Variants in KITLG observed in about 807,000 individuals in gnomAD.
KITLG encodes KIT ligand.
In KITLG, 13 loss-of-function variants were observed where a neutral mutation model predicts 34.1. The ratio of observed to expected loss-of-function variants is 0.38; its 90% CI spans 0.25 to 0.61. KITLG has a LOEUF of 0.61. KITLG is among the 20% of genes least tolerant of loss of function. KITLG has a pLI of 0.60. For missense variants in KITLG, 292 were observed against 318.9 expected (o/e 0.92, Z 0.64); for synonymous variants, 110 against 104.0 (o/e 1.06, Z -0.35).
At chr12:88,497,754 G>A (rs921343678) in intron 9 of KITLG, among the ~76,000 whole-genome samples, 2 of 152,162 alleles carry the variant, frequency 1.3e-5, no homozygotes, top group Non-Finnish European at 2.9e-5. Context: ...TAAGACAGGT[G>A]GAGAAGCTGG....
At chr12:88,501,856 T>A (rs1193567189) in intron 9 of KITLG, among the ~76,000 whole-genome samples, 2 of 152,168 alleles carry the variant, frequency 1.3e-5, no homozygotes, top group Non-Finnish European at 2.9e-5. Flanking sequence ...CAAATAGTTA[T>A]TCATCATTTA....
At chr12:88,513,403 G>A (rs1004178664) in intron 6 of KITLG, among the ~76,000 whole-genome samples, 19 of 151,640 alleles carry the variant, frequency 1.3e-4, no homozygotes, top group Admixed American at 3.3e-4. Context: ...AACAAGTAAG[G>A]AAATGGTGGA....
intron 3 of KITLG, among the ~76,000 whole-genome samples, chr12:88,525,706 T>C (rs11104921): frequency 0.084 from 12,816 of 152,218 alleles, 569 homozygotes; most frequent in Non-Finnish European, 0.1. Context: ...CCAAGATGAA[T>C]AGCTTCTGGA....
chr12:88,580,023 T>G, intron 1 of KITLG: 1 of 595,848 alleles, frequency 1.7e-6, no homozygotes, highest in South Asian at 2.0e-5. Flanking sequence ...AAAACTTAAC[T>G]GCTGAGGCTC....
At chr12:88,572,154 A>G (rs1379601293) in intron 1 of KITLG, among the ~76,000 whole-genome samples, 1 of 152,198 alleles carries the variant, frequency 6.6e-6, no homozygotes. Context: ...AAGTTGAATC[A>G]TTATGTGTGA....
At chr12:88,497,677 G>A (rs977754247) in intron 9 of KITLG, among the ~76,000 whole-genome samples, 29 of 152,170 alleles carry the variant, frequency 1.9e-4, no homozygotes, top group South Asian at 1.2e-3. Context: ...AAGGATTGAC[G>A]AACAAAGTGT....
At chr12:88,557,817 C>T (rs1592583380) in intron 1 of KITLG, among the ~76,000 whole-genome samples, 1 of 152,134 alleles carries the variant, frequency 6.6e-6, no homozygotes, top group Non-Finnish European at 1.5e-5. Flanking sequence ...GCACCGTTTA[C>T]TCTTATGCCA....
At chr12:88,505,544 C>T (rs1411527915) in intron 8 of KITLG, among the ~76,000 whole-genome samples, 1 of 152,014 alleles carries the variant, frequency 6.6e-6, no homozygotes, top group African/African-American at 2.4e-5. Context: ...AGGCAACACA[C>T]CAAATGAAAA....
intron 1 of KITLG, among the ~76,000 whole-genome samples, chr12:88,551,652 T>C (rs1054271991): frequency 3.9e-5 from 6 of 152,230 alleles, no homozygotes; most frequent in Non-Finnish European, 4.4e-5. Flanking sequence ...ACTTGCAACA[T>C]ATTGTTACTG....
chr12:88,500,197 T>C (rs1022884798), intron 9 of KITLG, among the ~76,000 whole-genome samples: 2 of 152,232 alleles, frequency 1.3e-5, no homozygotes, highest in African/African-American at 4.8e-5. Context: ...CGCCATGTGC[T>C]CAGTACAGAT....
intron 1 of KITLG, among the ~76,000 whole-genome samples, chr12:88,577,502 A>T (rs1871866224): frequency 6.6e-6 from 1 of 152,188 alleles, no homozygotes; most frequent in Non-Finnish European, 1.5e-5. Flanking sequence ...TGGTGCCTTG[A>T]TTGTTATCCA....
chr12:88,518,939 C>G, intron 3 of KITLG, 72 bp from the exon 4 acceptor site: 3 of 1,348,844 alleles, frequency 2.2e-6, no homozygotes, highest in Non-Finnish European at 3.1e-6. Flanking sequence ...GAGTACTCTT[C>G]AAAGCTATCG....
chr12:88,580,437 C>T lies in KITLG; in HGVS notation c.-159G>A. On this transcript the variant is annotated 5_prime_UTR_variant, in exon 1 of 10. Transcript: ENST00000644744. ...TCTCCACTGTCCCTGCTTCCCGCAG[C>T]GCTTCTAGTCTCGGCGCGAGGCGGC... 1 of 871,760 alleles carries T rather than the reference C, an allele frequency of 1.1e-6. No individual in the cohort carries two copies. Among genetic ancestry groups the T allele is most frequent in the Non-Finnish European group, 1.8e-6 (1 of 550,776 alleles). 54.0% of individuals were successfully genotyped at this position (871,760 alleles called of 1,614,324 possible). A position where few individuals can be genotyped will look rare whatever the true frequency, so the allele number is the denominator to read the frequency against.
intron 2 of KITLG, among the ~76,000 whole-genome samples, chr12:88,538,765 CA>C (rs1055550530): frequency 6.6e-6 from 1 of 150,590 alleles, no homozygotes; most frequent in African/African-American, 2.4e-5. Flanking sequence ...AAATTCATGG[CA>C]AAAAAAAATT....
At chr12:88,529,385 T>C (rs1164186507) in intron 3 of KITLG, among the ~76,000 whole-genome samples, 1 of 152,128 alleles carries the variant, frequency 6.6e-6, no homozygotes, top group Non-Finnish European at 1.5e-5. Flanking sequence ...GGCAATATAA[T>C]AGTTTCAAAG....
intron 1 of KITLG, among the ~76,000 whole-genome samples, chr12:88,561,994 C>A (rs1274875735): frequency 6.6e-6 from 1 of 152,200 alleles, no homozygotes; most frequent in Non-Finnish European, 1.5e-5. Flanking sequence ...CCCTTAAGCA[C>A]TTTTCATTCT....
intron 9 of KITLG, among the ~76,000 whole-genome samples, chr12:88,497,616 T>C (rs1397405259): frequency 6.6e-6 from 1 of 152,188 alleles, no homozygotes; most frequent in Non-Finnish European, 1.5e-5. Flanking sequence ...TTAGTTAGCT[T>C]TGAATTTCTC....
intron 1 of KITLG, among the ~76,000 whole-genome samples, chr12:88,557,173 A>T (rs1483256230): frequency 6.6e-6 from 1 of 152,152 alleles, no homozygotes; most frequent in East Asian, 1.9e-4. Context: ...TCTTTTTTAA[A>T]TGGCCTAGGA....
chr12:88,565,609 G>A (rs1181367241), intron 1 of KITLG, among the ~76,000 whole-genome samples: 1 of 152,098 alleles, frequency 6.6e-6, no homozygotes, highest in Non-Finnish European at 1.5e-5. Context: ...TGGTGACAGA[G>A]CGAGACTCCA....
Sources: allele counts gnomAD v4.1 joint callset (sites outside exome capture counted in the v4.1 genomes callset), GRCh38; gene constraint gnomAD v4.1.1; transcripts MANE v1.5; gene names NCBI Gene and HGNC (gene_info 2026-07-23, HGNC 2026-07-21).